M6PR: variants seen among roughly 807,000 people sequenced by gnomAD.
The protein encoded by M6PR is mannose-6-phosphate receptor, cation dependent.
In M6PR, 19 loss-of-function variants were observed where a neutral mutation model predicts 33.1. The observed-to-expected ratio is 0.57, with a 90% CI of 0.40 to 0.84. The LOEUF is 0.84. Ranked by LOEUF, M6PR falls within the 40% of genes least tolerant of loss-of-function variation. The pLI is 0.00. For missense variants in M6PR, 295 were observed against 336.0 expected, an observed-to-expected ratio of 0.88 and a Z score of 0.95; for synonymous variants, 111 against 123.4, an observed-to-expected ratio of 0.90 and a Z score of 0.67.
intron 1 of M6PR, among the ~76,000 whole-genome samples, chr12:8,948,718 A>G (rs1946143160): frequency 1.3e-5 from 2 of 152,178 alleles, no homozygotes. Flanking sequence ...TAGGGTGGCC[A>G]ATGACTAAGC....
rs1196993695 is a variant in M6PR at position 8,941,814 on chromosome 12, C to G, written c.*4G>C. 1.9e-6 allele frequency: 3 copies of G among 1,614,064 alleles called. No individual in the cohort carries two copies. The highest frequency in any genetic ancestry group is 1.3e-5 in the African/African-American group (1 of 74,994). On this transcript the variant is annotated 3_prime_UTR_variant, in exon 7 of 7. Coordinates refer to ENST00000000412, the MANE Select transcript of M6PR (RefSeq NM_002355.4). ...AGGAAGAGGCTGGACATATAAAGTGCAATCTACATTGGTAATAAATGGTCA... is the reference window on the plus strand; with the variant it reads ...AGGAAGAGGCTGGACATATAAAGTGGAATCTACATTGGTAATAAATGGTCA...
chr12:8,941,622 C>G lies in M6PR; in HGVS notation c.*196G>C. 1.6e-6 allele frequency: 1 copy of G among 618,208 alleles called. No homozygotes were observed. The highest frequency in any genetic ancestry group is 2.8e-6 in the Non-Finnish European group (1 of 359,532). 38.3% of individuals were successfully genotyped at this position (618,208 alleles called of 1,614,324 possible). ...AACTCTGACTTACAACTGTACCTCT[C>G]TAGAGAAAAAACAGAAAATAAGGAA... On this transcript the variant is annotated 3_prime_UTR_variant, in exon 7 of 7. Coordinates refer to ENST00000000412, the MANE Select transcript of M6PR (RefSeq NM_002355.4).
rs772559347 is a variant in M6PR, at chr12:8,943,491, A to G, written c.498T>C (p.Asp166=). The change falls in exon 5 of 7, where the codon GAT becomes GAC. Residue 166 remains aspartate (D), a synonymous_variant. Transcript: ENST00000000412. ...PVSEERGKVQ[D]CFYLFEMDSS... is the part of the protein sequence containing the mutation. ...TATCCATCTCAAAGAGGTAGAAACA[A>G]TCTTGGACTTTGCCACGCTCCTCAG... 27 of 1,614,050 alleles carry G rather than the reference A, an allele frequency of 1.7e-5. No individual in the cohort carries two copies. Among genetic ancestry groups the G allele is most frequent in the Non-Finnish European group, 2.2e-5 (26 of 1,180,016 alleles).
In M6PR at chr12:8,943,448, G is replaced by A; in HGVS notation, c.541C>T (p.Pro181Ser). 6.2e-7 allele frequency: 1 copy of A among 1,614,168 alleles called. No individual in the cohort carries two copies. Among genetic ancestry groups the A allele is most frequent in the Non-Finnish European group, 8.5e-7 (1 of 1,180,034 alleles). Residue 181 changes from proline to serine, a missense_variant, in exon 5 of 7, where the codon CCA becomes TCA. Pro to Ser is a moderately conservative substitution (Grantham distance 74). Coordinates refer to ENST00000000412, the MANE Select transcript of M6PR (RefSeq NM_002355.4). ...FEMDSSLACS[P>S]EISHLSVGSI... The stretch of plus-strand genomic sequence containing the variant: ...CCCACACTGAGGTGGGAGATCTCTG[G>A]TGAACAGGCCAGGCTGCTATCCATC...
chr12:8,943,240 T>C, intron 5 of M6PR, 165 bp downstream of exon 5: 1 of 884,628 alleles, frequency 1.1e-6, no homozygotes, highest in East Asian at 2.9e-5. Context: ...GCGTGAGCCC[T>C]GTGTCCTGGC....
Position 8,946,722 on chromosome 12 carries a change from A to G in M6PR, c.-1-317T>C, listed in dbSNP as rs139328150. On this transcript the variant is annotated intron_variant, in intron 1 of 6. Coordinates refer to ENST00000000412, the MANE Select transcript of M6PR (RefSeq NM_002355.4). ...TGGGTGGAGCCATCCTTGCCTCTTT[A>G]CTGTTTGATGGCTTGATGTAGTCTT... The G allele has an allele frequency of 6.3e-3, 1,331 of 212,188 alleles. 8 individuals carry two copies. The highest frequency in any genetic ancestry group is 0.012 in the Middle Eastern group (7 of 578). The allele number at this position is 212,188 out of a possible 1,614,324, so 13.1% of individuals were successfully genotyped here. A position where few individuals can be genotyped will look rare whatever the true frequency, so the allele number is the denominator to read the frequency against.
intron 6 of M6PR, 54 bp from the exon 7 acceptor site, chr12:8,941,994 T>C: frequency 1.3e-6 from 2 of 1,594,692 alleles, no homozygotes; most frequent in South Asian, 1.1e-5. Context: ...CTTTAGGATA[T>C]GAGAAAGTGT....
At chr12:8,944,791 G>C (rs77984086) in intron 3 of M6PR, among the ~76,000 whole-genome samples, 2,962 of 152,214 alleles carry the variant, frequency 0.019, 95 homozygotes, top group African/African-American at 0.067. Flanking sequence ...TGGTGGTGGT[G>C]GTTGGTATTT....
intron 1 of M6PR, among the ~76,000 whole-genome samples, chr12:8,947,272 AT>A (rs1483146667): frequency 6.6e-6 from 1 of 152,222 alleles, no homozygotes; most frequent in Non-Finnish European, 1.5e-5. Context: ...TTTTTAAAAT[AT>A]AAAACTTGAA....
chr12:8,944,411 G>A (rs1283750569), intron 3 of M6PR, among the ~76,000 whole-genome samples: 1 of 152,120 alleles, frequency 6.6e-6, no homozygotes, highest in Non-Finnish European at 1.5e-5. Context: ...AGGTGAATAA[G>A]GTAAAGATTC....
intron 6 of M6PR, 186 bp downstream of exon 6, chr12:8,942,230 C>T: frequency 1.3e-6 from 1 of 757,874 alleles, no homozygotes; most frequent in Non-Finnish European, 2.1e-6. Context: ...TTACCAAGGC[C>T]AGAAATGGAT....
intron 3 of M6PR, among the ~76,000 whole-genome samples, chr12:8,944,943 G>A (rs755521476): frequency 1.3e-5 from 2 of 152,142 alleles, no homozygotes; most frequent in South Asian, 2.1e-4. Flanking sequence ...GGCAGATCAC[G>A]AGGTCAAAGA....
rs142078031 is a variant in M6PR, at chr12:8,942,975, C to T, written c.584+430G>A. Among the ~76,000 whole-genome samples, 1,059 of 138,320 alleles carry T rather than the reference C, an allele frequency of 7.7e-3. 15 individuals are homozygous for T. The highest frequency in any genetic ancestry group is 0.028 in the African/African-American group (1,017 of 36,874). The allele number at this position is 138,320 out of a possible 152,430, so 90.7% of individuals were successfully genotyped here. ...AATTTTTTTTTTTTTTTTTTTTAGA[C>T]GGAGTTTTGCCCTTGTTGCCCAGGC... On this transcript the variant is annotated intron_variant, in intron 5 of 6. Transcript: ENST00000000412.
In M6PR at chr12:8,946,448, G is replaced by A. The variant is rs191914110; in HGVS notation, c.-1-43C>T. The A allele has an allele frequency of 2.1e-5, 32 of 1,495,484 alleles. No homozygotes were observed. In the East Asian group the frequency reaches 5.2e-4, roughly 24 times the overall value. The allele number at this position is 1,495,484 out of a possible 1,614,324, so 92.6% of individuals were successfully genotyped here. On this transcript the variant is annotated intron_variant, in intron 1 of 6. Coordinates refer to ENST00000000412, the MANE Select transcript of M6PR (RefSeq NM_002355.4). The stretch of plus-strand genomic sequence containing the variant: ...TGTTGGGGAGGGCAGGTAGGATCAG[G>A]AGAGAGAGGAAAGAGATAAAGCGTA...
rs2137170766 is a variant in M6PR, at chr12:8,946,284, CTT to C, written c.119_120del (p.Lys40ArgfsTer17). The C allele has an allele frequency of 6.2e-7, 1 of 1,614,214 alleles. No homozygotes were observed. The highest frequency in any genetic ancestry group is 1.3e-5 in the African/African-American group (1 of 75,048). On this transcript the variant is annotated frameshift_variant, in exon 2 of 7. Transcript: ENST00000000412. LOFTEE classifies it high-confidence loss of function. ...ACTAGAGCCAACTCTTTCTCTGACT[CTT>C]TACCCTTTTCTCCTACCAAGTCGCA... ...KTCDLVGEKG[K>X]ESEKELALVK...
In M6PR at chr12:8,946,217, C is replaced by T; in HGVS notation, c.176+12G>A. 1 of 1,608,294 alleles carries T rather than the reference C, an allele frequency of 6.2e-7. No homozygotes were observed. Among genetic ancestry groups the T allele is most frequent in the Non-Finnish European group, 8.5e-7 (1 of 1,176,398 alleles). On this transcript the variant is annotated intron_variant, in intron 2 of 6. Coordinates refer to ENST00000000412, the MANE Select transcript of M6PR (RefSeq NM_002355.4). Reference sequence around the variant, plus strand: ...ATATTTTCTCAAGCTCTTTAAGGTTCTTCTCATTTACCTTTTATTAAACAG... The same window carrying T: ...ATATTTTCTCAAGCTCTTTAAGGTTTTTCTCATTTACCTTTTATTAAACAG...
At chr12:8,943,314 A>AC in intron 5 of M6PR, 91 bp downstream of exon 5, 3 of 1,453,018 alleles carry the variant, frequency 2.1e-6, no homozygotes, top group Non-Finnish European at 2.9e-6. Context: ...TAATGTACAC[A>AC]TACAATTTGT....
At chr12:8,948,944 G>C (rs994334058) in intron 1 of M6PR, among the ~76,000 whole-genome samples, 11 of 152,222 alleles carry the variant, frequency 7.2e-5, no homozygotes, top group Non-Finnish European at 1.6e-4. Flanking sequence ...GAACTCAAGA[G>C]AGAAGGAGCC....
At chr12:8,945,773 AT>A (rs1385746292) in intron 2 of M6PR, among the ~76,000 whole-genome samples, 189 bp from the exon 3 acceptor site, 2 of 152,214 alleles carry the variant, frequency 1.3e-5, no homozygotes, top group Admixed American at 1.3e-4. Flanking sequence ...CTTATTGCTG[AT>A]GATGAATTAT....
Sources: allele counts gnomAD v4.1 joint callset (sites outside exome capture counted in the v4.1 genomes callset), GRCh38; gene constraint gnomAD v4.1.1; transcripts MANE v1.5; gene names NCBI Gene and HGNC (gene_info 2026-07-23, HGNC 2026-07-21).